Variants in CCDC73 observed in about 807,000 individuals in gnomAD.
The protein encoded by CCDC73 is coiled-coil domain-containing protein 73.
Under a neutral mutation model 116.5 loss-of-function variants are expected in CCDC73, and 95 were observed. That is an observed-to-expected ratio of 0.82 (90% CI 0.69 to 0.97). The LOEUF (loss-of-function observed/expected upper bound fraction) is 0.97, where lower values mean the gene tolerates loss of function less well. Ranked by LOEUF, CCDC73 falls within the 50% of genes least tolerant of loss-of-function variation. The pLI is 0.00. For synonymous variants in CCDC73, 398 were observed against 401.3 expected (o/e 0.99, Z 0.10); for missense variants, 1,066 against 1,206.8 (o/e 0.88, Z 1.73).
chr11:32,799,467 CCA>C (rs375346144), upstream of CCDC73, among the ~76,000 whole-genome samples: 59 of 151,686 alleles, frequency 3.9e-4, no homozygotes, highest in African/African-American at 1.3e-3. Context: ...TGAGCATAAA[CCA>C]CCATGCCCAG....
chr11:32,675,692 T>A, intron 8 of CCDC73, 48 bp from the exon 9 acceptor site: 1 of 1,411,726 alleles, frequency 7.1e-7, no homozygotes, highest in Non-Finnish European at 9.8e-7. Context: ...AATGTATATT[T>A]CAAAGAAAGT....
At chr11:32,681,372 T>C (rs1856141441) in intron 7 of CCDC73, 1 of 152,008 alleles carries the variant, frequency 6.6e-6, no homozygotes, top group Non-Finnish European at 1.5e-5. Context: ...TGTCCTAAGA[T>C]TTCTCTCTCA....
At chr11:32,732,833 C>A (rs920068929) in intron 2 of CCDC73, among the ~76,000 whole-genome samples, 12 of 152,086 alleles carry the variant, frequency 7.9e-5, no homozygotes, top group Non-Finnish European at 1.6e-4. Flanking sequence ...TGTAAAGACC[C>A]TCGATGCTAG....
Position 32,760,156 on chromosome 11 carries a change from A to G in CCDC73, c.88T>C (p.Phe30Leu). The G allele has an allele frequency of 2.5e-6, 4 of 1,605,006 alleles. No individual in the cohort carries two copies. Among genetic ancestry groups the G allele is most frequent in the Non-Finnish European group, 3.4e-6 (4 of 1,174,924 alleles). The change falls in exon 2 of 18, where the codon TTC becomes CTC. Residue 30 changes from phenylalanine (F) to leucine (L), a missense_variant. Physicochemically the swap from Phe to Leu is conservative, Grantham distance 22 (BLOSUM62 0). Coordinates refer to ENST00000335185, the MANE Select transcript of CCDC73 (RefSeq NM_001008391.4). ...ETLFSIQLLD[F>L]KTSLLEALEE... ...AATGCCTCCAGTAAACTTGTTTTGA[A>G]ATCTAATAGCTGAATAGAAAACAAT... is the stretch of plus-strand genomic sequence containing the variant.
chr11:32,695,268 G>C (rs274473), intron 6 of CCDC73, among the ~76,000 whole-genome samples: 128,685 of 151,796 alleles, frequency 0.85, 55,147 homozygotes, highest in East Asian at 1. Flanking sequence ...ACACAGGAGG[G>C]TGAGGCAGGA....
intron 14 of CCDC73, among the ~76,000 whole-genome samples, chr11:32,622,875 C>T (rs148578861): frequency 5.3e-5 from 8 of 150,200 alleles, no homozygotes; most frequent in East Asian, 2.0e-4. Flanking sequence ...ATCAGATGAA[C>T]GAAATATAAT....
chr11:32,718,249 T>C, intron 2 of CCDC73, 102 bp from the exon 3 acceptor site: 1 of 690,094 alleles, frequency 1.4e-6, no homozygotes, highest in Non-Finnish European at 2.4e-6. Flanking sequence ...ACTCCCACCT[T>C]TACAACAAGA....
the CCDC73 span, among the ~76,000 whole-genome samples, chr11:32,824,225 T>C: frequency 2.0e-5 from 3 of 152,150 alleles, no homozygotes; most frequent in African/African-American, 7.2e-5. Context: ...TTTTGTCACA[T>C]AGAGATTTCC....
chr11:32,790,994 G>C (rs1247664438), intron 1 of CCDC73, among the ~76,000 whole-genome samples: 1 of 152,048 alleles, frequency 6.6e-6, no homozygotes, highest in Non-Finnish European at 1.5e-5. Context: ...AACAAGAATT[G>C]CCAAAATAGC....
intron 6 of CCDC73, among the ~76,000 whole-genome samples, chr11:32,686,172 G>A (rs1351310036): frequency 9.3e-6 from 1 of 107,144 alleles, no homozygotes; most frequent in Non-Finnish European, 1.7e-5. Flanking sequence ...GATGAAATAA[G>A]AAGTGGTTGG....
chr11:32,654,146 A>G, intron 10 of CCDC73, 109 bp from the exon 11 acceptor site: 3 of 946,608 alleles, frequency 3.2e-6, no homozygotes, highest in Non-Finnish European at 3.0e-6. Context: ...CTACCCCCAG[A>G]GTACCCACAT....
intron 3 of CCDC73, among the ~76,000 whole-genome samples, chr11:32,705,146 G>A (rs904016503): frequency 1.3e-5 from 2 of 152,238 alleles, no homozygotes. Context: ...AGTGGGGCTA[G>A]GCCAGCCCAG....
At chr11:32,628,588 C>A (rs1393136088) in intron 14 of CCDC73, among the ~76,000 whole-genome samples, 1 of 152,128 alleles carries the variant, frequency 6.6e-6, no homozygotes, top group Admixed American at 6.6e-5. Context: ...TTTGTAGAGA[C>A]CCCAGCAGGA....
At chr11:32,646,950 T>C (rs1317201161) in intron 12 of CCDC73, among the ~76,000 whole-genome samples, 1 of 152,234 alleles carries the variant, frequency 6.6e-6, no homozygotes, top group East Asian at 1.9e-4. Flanking sequence ...GGCTCTCGTT[T>C]ATTCTCTGAG....
intron 12 of CCDC73, among the ~76,000 whole-genome samples, chr11:32,646,919 T>G (rs909840539): frequency 2.0e-5 from 3 of 152,234 alleles, no homozygotes; most frequent in African/African-American, 7.2e-5. Flanking sequence ...TTTTTATGTC[T>G]GCTAATATAT....
chr11:32,605,639 GC>G (rs922639680), intron 17 of CCDC73: 7 of 152,118 alleles, frequency 4.6e-5, no homozygotes, highest in Non-Finnish European at 1.0e-4. Context: ...ACGTTTACTT[GC>G]TTTAGTTTCT....
rs1590585446 is a variant in CCDC73, at chr11:32,673,431, A to G, written c.645+2134T>C. Reference sequence around the variant, plus strand: ...AATTATATTAAAATAGTGAAAGTCTATGTATATATAAAGGTATAAATGCTT... The same window carrying G: ...AATTATATTAAAATAGTGAAAGTCTGTGTATATATAAAGGTATAAATGCTT... On this transcript the variant is annotated intron_variant, in intron 9 of 17. Coordinates refer to ENST00000335185, the MANE Select transcript of CCDC73 (RefSeq NM_001008391.4). 2.0e-5 allele frequency among the ~76,000 whole-genome samples: 3 copies of G among 152,254 alleles called. No homozygotes were observed. In the South Asian group the frequency reaches 6.2e-4, roughly 32 times the overall value.
chr11:32,811,810 A>G, the CCDC73 span, among the ~76,000 whole-genome samples: 32 of 152,132 alleles, frequency 2.1e-4, no homozygotes, highest in African/African-American at 6.3e-4. Flanking sequence ...CTCATAACCC[A>G]AACATCTCCC....
intron 2 of CCDC73, among the ~76,000 whole-genome samples, chr11:32,748,652 T>C (rs1335081588): frequency 1.3e-5 from 2 of 152,210 alleles, no homozygotes; most frequent in Non-Finnish European, 2.9e-5. Context: ...ACCAGTGAGT[T>C]TTACCTTCAG....
Sources: gnomAD v4.1 joint callset for allele counts (sites outside exome capture counted in the v4.1 genomes callset) on GRCh38, gnomAD v4.1.1 for gene constraint, MANE v1.5 for transcripts, NCBI Gene and HGNC (gene_info 2026-07-23, HGNC 2026-07-21) for gene names.